Variants in CADPS2 observed in about 807,000 individuals in gnomAD.
CADPS2 encodes calcium dependent secretion activator 2.
In CADPS2, 93 loss-of-function variants were observed where a neutral mutation model predicts 172.5. The observed-to-expected ratio is 0.54, with a 90% CI of 0.46 to 0.64. The LOEUF (loss-of-function observed/expected upper bound fraction) is 0.64, where lower values mean the gene tolerates loss of function less well. Ranked by LOEUF, CADPS2 falls within the 30% of genes least tolerant of loss-of-function variation. The pLI, the probability that CADPS2 is intolerant of heterozygous loss-of-function variation, is 0.00. For missense variants in CADPS2, 1,420 were observed against 1,565.9 expected (o/e 0.91, Z 1.57); for synonymous variants, 546 against 555.2 (o/e 0.98, Z 0.23).
intron 1 of CADPS2, among the ~76,000 whole-genome samples, chr7:122,826,669 C>G (rs1584696734): frequency 6.6e-6 from 1 of 151,484 alleles, no homozygotes; most frequent in East Asian, 1.9e-4. Context: ...ATACAATAAT[C>G]AAAATAAAAA....
intron 6 of CADPS2, among the ~76,000 whole-genome samples, chr7:122,588,782 G>C (rs1000512586): frequency 1.3e-5 from 2 of 151,788 alleles, no homozygotes; most frequent in African/African-American, 4.8e-5. Flanking sequence ...TCATGAAAAT[G>C]AGTAAGGACT....
intron 10 of CADPS2, 99 bp from the exon 11 acceptor site, chr7:122,490,380 T>A: frequency 1.2e-6 from 1 of 842,880 alleles, no homozygotes; most frequent in Non-Finnish European, 1.9e-6. Context: ...GGCTTTGATA[T>A]TAGCAGTTAA....
At chr7:122,480,549 C>T (rs2057166074) in intron 12 of CADPS2, among the ~76,000 whole-genome samples, 1 of 151,868 alleles carries the variant, frequency 6.6e-6, no homozygotes, top group Non-Finnish European at 1.5e-5. Flanking sequence ...AAAATAATAC[C>T]GCATGTATAA....
chr7:122,753,926 A>G (rs1262936415), intron 1 of CADPS2, among the ~76,000 whole-genome samples: 2 of 152,188 alleles, frequency 1.3e-5, no homozygotes, highest in Non-Finnish European at 2.9e-5. Flanking sequence ...TCAAAAGTTT[A>G]AAACAGTTGA....
At chr7:122,760,496 C>T (rs1367693475) in intron 1 of CADPS2, among the ~76,000 whole-genome samples, 1 of 152,008 alleles carries the variant, frequency 6.6e-6, no homozygotes, top group Non-Finnish European at 1.5e-5. Flanking sequence ...ATTAACTGAA[C>T]TAGCGGATTC....
chr7:122,618,706 T>C (rs2075247569), intron 5 of CADPS2, among the ~76,000 whole-genome samples: 1 of 152,160 alleles, frequency 6.6e-6, no homozygotes, highest in Non-Finnish European at 1.5e-5. Context: ...GGCTGAAATA[T>C]GGGGTCTGAG....
intron 25 of CADPS2, among the ~76,000 whole-genome samples, chr7:122,364,413 TA>T (rs916412439): frequency 0.16 from 12,324 of 77,738 alleles, 618 homozygotes; most frequent in Middle Eastern, 0.21. Flanking sequence ...TGTCTCAAGT[TA>T]AAAAAAAAAA....
intron 2 of CADPS2, among the ~76,000 whole-genome samples, chr7:122,676,315 T>C (rs1043884448): frequency 3.9e-5 from 6 of 152,188 alleles, no homozygotes; most frequent in African/African-American, 1.4e-4. Context: ...AATGGCACCT[T>C]AAATGTAAAC....
chr7:122,711,046 T>C (rs1287395993), intron 2 of CADPS2, among the ~76,000 whole-genome samples: 1 of 152,144 alleles, frequency 6.6e-6, no homozygotes, highest in African/African-American at 2.4e-5. Flanking sequence ...CTACTCACTT[T>C]TTTAAAGAAA....
At chr7:122,692,865 A>G in intron 2 of CADPS2, among the ~76,000 whole-genome samples, 1 of 152,246 alleles carries the variant, frequency 6.6e-6, no homozygotes, top group East Asian at 1.9e-4. Flanking sequence ...CTGGCTGCAC[A>G]GCCTGCTCTC....
At chr7:122,605,419 T>C (rs2133608526) in intron 6 of CADPS2, among the ~76,000 whole-genome samples, 1 of 152,294 alleles carries the variant, frequency 6.6e-6, no homozygotes, top group East Asian at 1.9e-4. Context: ...ATGCAGTCCA[T>C]CATTGACTGA....
rs565765121 is a variant in CADPS2 at position 122,571,458 on chromosome 7, C to G, written c.1335+9721G>C. Among the ~76,000 whole-genome samples the G allele has an allele frequency of 1.4e-4, 21 of 152,198 alleles. No individual in the cohort carries two copies. The South Asian group carries it at 4.4e-3, about 32-fold the overall frequency. ...TAGAGGATGCTGTGCATAATATGATCAGCCCCTGTAAGTGGTGATAAGGAA... is the reference window on the plus strand; with the variant it reads ...TAGAGGATGCTGTGCATAATATGATGAGCCCCTGTAAGTGGTGATAAGGAA... On this transcript the variant is annotated intron_variant, in intron 7 of 29. Coordinates refer to ENST00000449022, the MANE Select transcript of CADPS2 (RefSeq NM_017954.11).
chr7:122,797,177 G>T (rs1465145326), intron 1 of CADPS2, among the ~76,000 whole-genome samples: 1 of 152,046 alleles, frequency 6.6e-6, no homozygotes, highest in Non-Finnish European at 1.5e-5. Context: ...CAGTCAAATG[G>T]CTATTATTAA....
chr7:122,606,997 C>A (rs4604372), intron 6 of CADPS2, among the ~76,000 whole-genome samples: 1 of 152,072 alleles, frequency 6.6e-6, no homozygotes, highest in South Asian at 2.1e-4. Flanking sequence ...ATGTGGACAC[C>A]TGATATGACA....
At position 122,533,269 on chromosome 7, in the gene CADPS2, A is replaced by G. The variant is rs562037624; in HGVS notation, c.1476-19954T>C. Among the ~76,000 whole-genome samples the G allele has an allele frequency of 2.6e-4, 39 of 152,302 alleles. No homozygotes were observed. In the South Asian group the frequency reaches 7.9e-3, roughly 31 times the overall value. On this transcript the variant is annotated intron_variant, in intron 8 of 29. Coordinates refer to ENST00000449022, the MANE Select transcript of CADPS2 (RefSeq NM_017954.11). ...TATTAATATAAAGCAGTAGTTAAAA[A>G]AATAGCCTGGAGCTTAAAGGCTTGA...
At chr7:122,471,633 C>G in intron 13 of CADPS2, 71 bp from the exon 14 acceptor site, 1 of 1,256,948 alleles carries the variant, frequency 8.0e-7, no homozygotes. Flanking sequence ...CCTGAACGCA[C>G]TTTTAGGCCT....
intron 1 of CADPS2, among the ~76,000 whole-genome samples, chr7:122,808,213 G>A (rs1799227221): frequency 6.6e-6 from 1 of 151,252 alleles, no homozygotes; most frequent in African/African-American, 2.4e-5. Flanking sequence ...AGGAAATATG[G>A]GCTTTCTGAT....
chr7:122,431,652 G>T (rs916931997), intron 17 of CADPS2, among the ~76,000 whole-genome samples: 9 of 152,186 alleles, frequency 5.9e-5, no homozygotes, highest in Admixed American at 5.2e-4. Context: ...TAACCTCTCA[G>T]GTTCAGTTTT....
intron 1 of CADPS2, among the ~76,000 whole-genome samples, chr7:122,826,374 TCATAA>T (rs1272304780): frequency 1.3e-4 from 20 of 152,222 alleles, no homozygotes; most frequent in African/African-American, 4.6e-4. Context: ...ATCCCAAGTC[TCATAA>T]CATAATACAA....
Sources: gnomAD v4.1 joint callset for allele counts (sites outside exome capture counted in the v4.1 genomes callset) on GRCh38, gnomAD v4.1.1 for gene constraint, MANE v1.5 for transcripts, NCBI Gene and HGNC (gene_info 2026-07-23, HGNC 2026-07-21) for gene names.